Variants in USP22 observed in about 807,000 individuals in gnomAD.
USP22 encodes ubiquitin specific peptidase 22.
A neutral mutation model predicts 68.1 loss-of-function variants in USP22; 22 were observed. That is an observed-to-expected ratio of 0.32 (90% CI 0.23 to 0.46). USP22 has a LOEUF of 0.46. Among genes scored for constraint, USP22 ranks in the 20% least tolerant of loss-of-function variants. USP22 has a pLI of 1.00. For synonymous variants in USP22, 279 were observed against 274.2 expected, an observed-to-expected ratio of 1.02 and a Z score of -0.17; for missense variants, 433 against 695.8, an observed-to-expected ratio of 0.62 and a Z score of 4.25.
intron 5 of USP22, 60 bp from the exon 6 acceptor site, chr17:21,015,959 TAC>T: frequency 1.3e-6 from 2 of 1,566,388 alleles, no homozygotes; most frequent in South Asian, 2.3e-5. Flanking sequence ...GAACACAGAG[TAC>T]ACACAATCAA....
chr17:21,025,088 A>G (rs917232547), intron 2 of USP22, among the ~76,000 whole-genome samples: 2 of 152,166 alleles, frequency 1.3e-5, no homozygotes, highest in African/African-American at 4.8e-5. Flanking sequence ...TGCAAATCAT[A>G]CATCTGCTCA....
In USP22 at chr17:21,004,342, CAG is replaced by C; in HGVS notation, c.1393_1394del (p.Leu465ValfsTer5). The C allele has an allele frequency of 1.2e-6, 2 of 1,614,130 alleles. No individual in the cohort carries two copies. Among genetic ancestry groups the C allele is most frequent in the Non-Finnish European group, 1.7e-6 (2 of 1,179,992 alleles). On this transcript the variant is annotated frameshift_variant, in exon 12 of 13. Coordinates refer to ENST00000261497, the MANE Select transcript of USP22 (RefSeq NM_015276.2). LOFTEE classifies it high-confidence loss of function. ...DSLNNDNKYS[L>X]FAVVNHQGTL... is the part of the protein sequence containing the mutation. ...TCCCTTGATGGTTAACAACAGCAAA[CAG>C]GGAATACCTAGTGCAGGAGCAAAGG...
intron 2 of USP22, among the ~76,000 whole-genome samples, chr17:21,023,966 T>C (rs752349876): frequency 9.2e-5 from 14 of 152,198 alleles, no homozygotes; most frequent in East Asian, 1.9e-4. Context: ...CTATTTCAGG[T>C]CTTAAGCTAC....
At chr17:21,031,792 C>T (rs761694772) in intron 1 of USP22, among the ~76,000 whole-genome samples, 3 of 152,204 alleles carry the variant, frequency 2.0e-5, no homozygotes, top group Non-Finnish European at 4.4e-5. Flanking sequence ...ATCTCTACTA[C>T]ACAACCTAGG....
intron 1 of USP22, among the ~76,000 whole-genome samples, chr17:21,029,276 C>T (rs930175455): frequency 5.7e-4 from 87 of 152,262 alleles, no homozygotes; most frequent in African/African-American, 7.9e-4. Flanking sequence ...ACTAACGGGA[C>T]GTGTGAACAG....
intron 11 of USP22, among the ~76,000 whole-genome samples, chr17:21,004,645 C>T (rs1006991768): frequency 2.0e-5 from 3 of 152,236 alleles, no homozygotes; most frequent in Non-Finnish European, 4.4e-5. Flanking sequence ...TCTACAACCC[C>T]AAGGCAAGAA....
intron 1 of USP22, among the ~76,000 whole-genome samples, chr17:21,037,361 GAA>G (rs141894427): frequency 6.6e-6 from 1 of 152,298 alleles, no homozygotes; most frequent in East Asian, 1.9e-4. Flanking sequence ...ATAAAGGAGG[GAA>G]AGAGTCACTC....
chr17:21,037,577 A>C (rs1016318796), intron 1 of USP22, among the ~76,000 whole-genome samples: 1 of 152,174 alleles, frequency 6.6e-6, no homozygotes, highest in African/African-American at 2.4e-5. Flanking sequence ...TACAAACTAC[A>C]TGACCGGGAC....
chr17:21,023,361 CTG>C, intron 2 of USP22, among the ~76,000 whole-genome samples: 1 of 152,104 alleles, frequency 6.6e-6, no homozygotes, highest in East Asian at 1.9e-4. Context: ...TTTTAAAAAA[CTG>C]GGAGAGAAAC....
At chr17:21,042,545 G>A (rs1248182824) in intron 1 of USP22, 120 bp downstream of exon 1, 4 of 985,548 alleles carry the variant, frequency 4.1e-6, no homozygotes, top group Middle Eastern at 3.3e-4. Flanking sequence ...GAGAGGAAGA[G>A]GAAGGACAGG....
intron 7 of USP22, chr17:21,011,757 T>G (rs1402780594): frequency 6.4e-6 from 1 of 155,052 alleles, no homozygotes; most frequent in African/African-American, 2.4e-5. Context: ...GGACAGTCAA[T>G]GCTGCATTTC....
chr17:21,015,692 T>C, intron 6 of USP22, 60 bp downstream of exon 6: 2 of 1,543,688 alleles, frequency 1.3e-6, no homozygotes, highest in Non-Finnish European at 1.7e-6. Flanking sequence ...CTCGCTTTGC[T>C]TCCTTCCCCT....
At chr17:21,004,171 T>A (rs762379549) in intron 12 of USP22, 31 bp downstream of exon 12, 9 of 1,609,852 alleles carry the variant, frequency 5.6e-6, no homozygotes, top group Middle Eastern at 1.7e-4. Flanking sequence ...GTAGCCACCG[T>A]AGGGCCTTCC....
At chr17:21,008,523 C>T (rs1432323227) in intron 8 of USP22, among the ~76,000 whole-genome samples, 1 of 152,098 alleles carries the variant, frequency 6.6e-6, no homozygotes, top group African/African-American at 2.4e-5. Context: ...TCAAAGGGTT[C>T]CGTTATATCA....
chr17:21,015,701 C>G (rs768254268), intron 6 of USP22, 51 bp downstream of exon 6: 3 of 1,558,482 alleles, frequency 1.9e-6, no homozygotes, highest in Non-Finnish European at 2.6e-6. Flanking sequence ...CTTCCTTCCC[C>G]TTCAAGGAAA....
Position 21,019,267 on chromosome 17 carries a change from A to C in USP22, c.419-82T>G, listed in dbSNP as rs1972125005. 1.1e-5 allele frequency: 15 copies of C among 1,388,110 alleles called. No individual in the cohort carries two copies. The South Asian group carries it at 1.8e-4, about 16-fold the overall frequency. The allele number at this position is 1,388,110 out of a possible 1,614,324, so 86.0% of individuals were successfully genotyped here. A position where few individuals can be genotyped will look rare whatever the true frequency, so the allele number is the denominator to read the frequency against. ...GTTTACACATAAAAGCTGTGGCGCT[A>C]TGCTGTCTGTCAGGGTGCATTTCAG... On this transcript the variant is annotated intron_variant, in intron 3 of 12. Transcript: ENST00000261497.
At chr17:21,034,435 C>G (rs1031270378) in intron 1 of USP22, among the ~76,000 whole-genome samples, 1 of 152,204 alleles carries the variant, frequency 6.6e-6, no homozygotes, top group Non-Finnish European at 1.5e-5. Flanking sequence ...CCTCCCTTAC[C>G]TACAGTTCCG....
At chr17:21,020,351 CA>C (rs1972141513) in intron 3 of USP22, among the ~76,000 whole-genome samples, 1 of 151,786 alleles carries the variant, frequency 6.6e-6, no homozygotes, top group African/African-American at 2.4e-5. Flanking sequence ...TCTGTGTAGC[CA>C]ATAACCAGTG....
At chr17:21,038,186 G>A (rs753312827) in intron 1 of USP22, among the ~76,000 whole-genome samples, 21 of 152,092 alleles carry the variant, frequency 1.4e-4, no homozygotes, top group African/African-American at 4.8e-4. Context: ...CCTAAGGCCA[G>A]GAGTTCAAGA....
Sources: allele counts gnomAD v4.1 joint callset (sites outside exome capture counted in the v4.1 genomes callset), GRCh38; gene constraint gnomAD v4.1.1; transcripts MANE v1.5; gene names NCBI Gene and HGNC (gene_info 2026-07-23, HGNC 2026-07-21).